Variants in GON4L observed in about 807,000 individuals in gnomAD.
GON4L encodes the protein gon-4 like, also known as GON-4-like protein.
GON4L carries 87 observed loss-of-function variants against 211.8 expected under a neutral mutation model. The observed-to-expected ratio is 0.41, with a 90% CI of 0.35 to 0.49. The LOEUF (loss-of-function observed/expected upper bound fraction) is 0.49. Among genes scored for constraint, GON4L ranks in the 20% least tolerant of loss-of-function variants. GON4L has a pLI of 0.15. For synonymous variants in GON4L, 875 were observed against 962.6 expected (o/e 0.91, Z 1.68); for missense variants, 2,155 against 2,659.5 (o/e 0.81, Z 4.17).
intron 5 of GON4L, among the ~76,000 whole-genome samples, chr1:155,821,035 G>C (rs1668685630): frequency 6.6e-6 from 1 of 152,116 alleles, no homozygotes; most frequent in Admixed American, 6.6e-5. Flanking sequence ...GGGAGGCCGA[G>C]GCGGGCGGAT....
At chr1:155,754,943 G>A (rs1661017930) in intron 27 of GON4L, among the ~76,000 whole-genome samples, 1 of 136,994 alleles carries the variant, frequency 7.3e-6, no homozygotes, top group South Asian at 2.2e-4. Flanking sequence ...GTCTGGCTCT[G>A]TCACCCAGGC....
chr1:155,806,323 T>C (rs888155512), intron 10 of GON4L, among the ~76,000 whole-genome samples: 7 of 151,842 alleles, frequency 4.6e-5, no homozygotes, highest in African/African-American at 1.7e-4. Context: ...TGGCAAATTT[T>C]TGTATTTTTA....
At position 155,853,444 on chromosome 1, in the gene GON4L, G is replaced by C. The variant is rs548504187; in HGVS notation, c.337C>G (p.Pro113Ala). Residue 113 changes from proline to alanine, a missense_variant, in exon 2 of 32, where the codon CCC becomes GCC. Transcript: ENST00000368331. ...CCTTTACCAATGTGTATATTAAGGG[G>C]GTGAAAAGACTCCAAGGAAGGTAGG... is the stretch of plus-strand genomic sequence containing the variant. The part of the protein sequence containing the change: ...ITLPSLESFH[P>A]LNIHIGKGKL... 6.2e-7 allele frequency: 1 copy of C among 1,614,052 alleles called. No homozygotes were observed. Among genetic ancestry groups the C allele is most frequent in the Admixed American group, 1.7e-5 (1 of 60,020 alleles).
At chr1:155,778,636 C>T (rs1664077367) in intron 14 of GON4L, among the ~76,000 whole-genome samples, 2 of 152,190 alleles carry the variant, frequency 1.3e-5, no homozygotes, top group Admixed American at 1.3e-4. Flanking sequence ...TGGTGGTTTG[C>T]TGCACCTATC....
intron 2 of GON4L, among the ~76,000 whole-genome samples, chr1:155,844,358 C>G (rs1041795176): frequency 6.6e-6 from 1 of 152,194 alleles, no homozygotes; most frequent in Admixed American, 6.5e-5. Flanking sequence ...ATATTAACAA[C>G]TCTGGACAGG....
chr1:155,789,320 T>C (rs897593277), intron 12 of GON4L, among the ~76,000 whole-genome samples: 1 of 152,060 alleles, frequency 6.6e-6, no homozygotes, highest in Non-Finnish European at 1.5e-5. Flanking sequence ...TATGGAGCTC[T>C]AGTTCATTAT....
chr1:155,763,926 C>A (rs1662115598), intron 21 of GON4L, among the ~76,000 whole-genome samples: 1 of 151,500 alleles, frequency 6.6e-6, no homozygotes, highest in African/African-American at 2.4e-5. Flanking sequence ...TTGCTTGAAC[C>A]CGGGAGGTGG....
At position 155,765,712 on chromosome 1, in the gene GON4L, A is replaced by G. The variant is rs914852327; in HGVS notation, c.3761T>C (p.Leu1254Pro). 4 of 1,614,198 alleles carry G rather than the reference A, an allele frequency of 2.5e-6. No individual in the cohort carries two copies. Among genetic ancestry groups the G allele is most frequent in the Non-Finnish European group, 3.4e-6 (4 of 1,180,032 alleles). Reference sequence around the variant, plus strand: ...GAAAACAGTAGCAGAGAGAGGAGATAGTTCCTGGGGCTCTAATTTGGGTTC... The same window carrying G: ...GAAAACAGTAGCAGAGAGAGGAGATGGTTCCTGGGGCTCTAATTTGGGTTC... ...GLEPKLEPQE[L>P]SPLSATVFPK... The change falls in exon 21 of 32, where the codon CTA becomes CCA. Residue 1254 changes from leucine (L) to proline (P), a missense_variant. Leu to Pro is a moderately conservative substitution (Grantham distance 98). This residue lies in a region of GON4L where 615 missense variants were observed against 625.7 expected (regional missense o/e 0.98). Coordinates refer to ENST00000368331, the MANE Select transcript of GON4L (RefSeq NM_001282860.2).
chr1:155,834,964 C>T lies in GON4L; in HGVS notation c.506-7936G>A, dbSNP rs558764099. 1.6e-4 allele frequency among the ~76,000 whole-genome samples: 25 copies of T among 152,160 alleles called. No homozygotes were observed. The East Asian group carries it at 1.7e-3, about 11-fold the overall frequency. ...GAGCCCCTCTGCCCGGCCACCACCC[C>T]GTCTGGGAGGTGTACCCAACAGCTC... On this transcript the variant is annotated intron_variant, in intron 2 of 31. Transcript: ENST00000368331.
At chr1:155,801,128 AAAAAAAAG>A in intron 11 of GON4L, among the ~76,000 whole-genome samples, 2 of 151,478 alleles carry the variant, frequency 1.3e-5, no homozygotes, top group South Asian at 2.1e-4. Flanking sequence ...AAAAAAAAAA[AAAAAAAAG>A]AACTCTCTGT....
intron 2 of GON4L, among the ~76,000 whole-genome samples, chr1:155,832,079 A>G (rs1470176177): frequency 6.6e-6 from 1 of 151,916 alleles, no homozygotes; most frequent in Non-Finnish European, 1.5e-5. Flanking sequence ...GTTCAAGACC[A>G]GCCTGGCCAA....
intron 19 of GON4L, among the ~76,000 whole-genome samples, chr1:155,768,417 T>A (rs2101770456): frequency 6.6e-6 from 1 of 151,180 alleles, no homozygotes; most frequent in East Asian, 2.0e-4. Flanking sequence ...GAGACCATCC[T>A]GGCTAACATG....
intron 1 of GON4L, among the ~76,000 whole-genome samples, chr1:155,854,349 G>A (rs1403131116): frequency 6.6e-6 from 1 of 152,104 alleles, no homozygotes; most frequent in Admixed American, 6.6e-5. Flanking sequence ...TAGAGATGGG[G>A]TTTCACCGTG....
In GON4L at chr1:155,757,195, C is replaced by T; in HGVS notation, c.5382G>A (p.Glu1794=). 1 of 1,613,926 alleles carries T rather than the reference C, an allele frequency of 6.2e-7. No homozygotes were observed. The highest frequency in any genetic ancestry group is 8.5e-7 in the Non-Finnish European group (1 of 1,179,878). The change falls in exon 26 of 32, where the codon GAG becomes GAA. Residue 1794 remains glutamate, a synonymous_variant. Transcript: ENST00000368331. The part of the protein sequence containing the change: ...MGDFEEINWT[E]EKEYEFDGFE... The stretch of plus-strand genomic sequence containing the variant: ...GGTCCTATACCTCATACTCCTTTTC[C>T]TCAGTCCAATTGATCTCTTCAAAGT...
rs375045029 is a variant in GON4L at position 155,837,372 on chromosome 1, GC to G, written c.506-10345del. On this transcript the variant is annotated intron_variant, in intron 2 of 31. Coordinates refer to ENST00000368331, the MANE Select transcript of GON4L (RefSeq NM_001282860.2). ...ACTGTCTCAGGGACTCCAAGGACAC[GC>G]CCTGAACAACAACCCCTCTCTTCCC... 1.6e-3 allele frequency among the ~76,000 whole-genome samples: 242 copies of G among 152,230 alleles called. 1 individual carries two copies. The highest frequency in any genetic ancestry group is 5.5e-3 in the African/African-American group (229 of 41,540).
chr1:155,853,417 T>C lies in GON4L; in HGVS notation c.364A>G (p.Lys122Glu). Residue 122 changes from lysine to glutamate, a missense_variant, in exon 2 of 32, where the codon AAA becomes GAA. Coordinates refer to ENST00000368331, the MANE Select transcript of GON4L (RefSeq NM_001282860.2). ...CTCTTTGAGCCAGTAGCGTGGAGTT[T>C]TCCTTTACCAATGTGTATATTAAGG... ...HPLNIHIGKG[K>E]LHATGSKRGK... The C allele has an allele frequency of 6.2e-7, 1 of 1,614,206 alleles. No homozygotes were observed. Among genetic ancestry groups the C allele is most frequent in the Non-Finnish European group, 8.5e-7 (1 of 1,180,038 alleles).
At position 155,750,765 on chromosome 1, in the gene GON4L, CTTTTT is replaced by C. The variant is rs58764354; in HGVS notation, c.6577-37_6577-33del. On this transcript the variant is annotated intron_variant, in intron 31 of 31. Transcript: ENST00000368331. ...AAGGAGGAGGGCTGTATTCACTGGT[CTTTTT>C]TTTTTGTTTTTGAGACGGAGTCTCT... 6 of 1,373,386 alleles carry C rather than the reference CTTTTT, an allele frequency of 4.4e-6. No individual in the cohort carries two copies. In the African/African-American group the frequency reaches 5.9e-5, roughly 13 times the overall value. The allele number at this position is 1,373,386 out of a possible 1,614,324, so 85.1% of individuals were successfully genotyped here.
intron 12 of GON4L, among the ~76,000 whole-genome samples, chr1:155,792,993 TG>T (rs1323230234): frequency 6.6e-6 from 1 of 152,162 alleles, no homozygotes; most frequent in Non-Finnish European, 1.5e-5. Flanking sequence ...CTTGAACTCC[TG>T]GGCTCATGCG....
intron 11 of GON4L, among the ~76,000 whole-genome samples, chr1:155,803,331 G>A (rs779438926): frequency 6.0e-4 from 90 of 149,498 alleles, no homozygotes; most frequent in Non-Finnish European, 8.7e-4. Flanking sequence ...TACAACCTTC[G>A]CCTGCCAGGT....
Sources: allele counts gnomAD v4.1 joint callset (sites outside exome capture counted in the v4.1 genomes callset), GRCh38; gene constraint gnomAD v4.1.1; regional missense constraint gnomAD v4.1.1; transcripts MANE v1.5; gene names NCBI Gene and HGNC (gene_info 2026-07-23, HGNC 2026-07-21).